RAB44: variants seen among roughly 807,000 people sequenced by gnomAD.
RAB44 encodes RAB44, member RAS oncogene family.
A neutral mutation model predicts 93.3 loss-of-function variants in RAB44; 67 were observed. The ratio of observed to expected loss-of-function variants is 0.72; its 90% CI spans 0.59 to 0.88. The LOEUF (loss-of-function observed/expected upper bound fraction) is 0.88. RAB44 is among the 40% of genes least tolerant of loss of function. RAB44 has a pLI of 0.00. For missense variants in RAB44, 1,064 were observed against 1,261.7 expected (o/e 0.84, Z 2.37); for synonymous variants, 427 against 520.3 (o/e 0.82, Z 2.44).
chr6:36,728,565 G>A (rs1763289932), intron 11 of RAB44, 135 bp from the exon 12 acceptor site: 2 of 684,366 alleles, frequency 2.9e-6, no homozygotes, highest in Admixed American at 2.2e-5. Flanking sequence ...AAAGGGTCCA[G>A]GTGAGAAGGT....
rs886628942 is a variant in RAB44 at position 36,721,783 on chromosome 6, A to C, written c.1649A>C (p.Gln550Pro). 4.9e-6 allele frequency: 6 copies of C among 1,234,414 alleles called. No homozygotes were observed. The African/African-American group carries it at 9.3e-5, about 19-fold the overall frequency. The allele number at this position is 1,234,414 out of a possible 1,614,324, so 76.5% of individuals were successfully genotyped here. Residue 550 changes from glutamine to proline, a missense_variant, in exon 9 of 14, where the codon CAG (glutamine) becomes CCG (proline). Coordinates refer to ENST00000612677, the MANE Select transcript of RAB44 (RefSeq NM_001257357.2). ...GAQPGAGAGP[Q>P]EPTQTPPTMT... ...CAGCCTGGGGCTGGAGCAGGACCCC[A>C]GGAACCCACACAAACCCCTCCCACC... is the stretch of plus-strand genomic sequence containing the variant.
intron 9 of RAB44, among the ~76,000 whole-genome samples, chr6:36,724,652 TCAACCAAC>T (rs76700851): frequency 5.2e-4 from 77 of 148,926 alleles, no homozygotes; most frequent in East Asian, 1.6e-3. Context: ...AACCAACCAA[TCAACCAAC>T]CAACCAACCA....
chr6:36,699,136 C>T (rs553596096), intron 1 of RAB44, among the ~76,000 whole-genome samples: 11 of 152,168 alleles, frequency 7.2e-5, no homozygotes, highest in East Asian at 5.8e-4. Context: ...AGGCAAGGAG[C>T]GGGTGGCTGA....
chr6:36,732,154 T>A lies in RAB44; in HGVS notation c.*61T>A. 1 of 1,088,242 alleles carries A rather than the reference T, an allele frequency of 9.2e-7. No homozygotes were observed. Among genetic ancestry groups the A allele is most frequent in the Non-Finnish European group, 1.2e-6 (1 of 855,138 alleles). The allele number at this position is 1,088,242 out of a possible 1,614,324, so 67.4% of individuals were successfully genotyped here. ...GGGGTTTCCTGTCCCTCAGCTCCTG[T>A]CCTTTGTTCCTGGACAGCAACGACA... On this transcript the variant is annotated 3_prime_UTR_variant, in exon 14 of 14. Transcript: ENST00000612677.
In RAB44 at chr6:36,727,606, G is replaced by T. The variant is rs771415718; in HGVS notation, c.2711G>T (p.Arg904Leu). ...RYHSMTRQLL[R>L]KADGVVLMYD... ...CACAGTATGACGCGACAGCTGCTCC[G>T]CAAGGCTGACGGGGTGGTGCTCATG... The change falls in exon 11 of 14, where the codon CGC (arginine) becomes CTC (leucine). Residue 904 changes from arginine (R) to leucine (L), a missense_variant. Transcript: ENST00000612677. 3 of 1,550,416 alleles carry T rather than the reference G, an allele frequency of 1.9e-6. No homozygotes were observed. Among genetic ancestry groups the T allele is most frequent in the African/African-American group, 2.7e-5 (2 of 73,046 alleles).
rs1009557078 is a variant in RAB44 at position 36,721,163 on chromosome 6, G to T, written c.1029G>T (p.Ala343=). ...GCTTCATTTCCAGTTTTCCTGGAGC[G>T]GGTGAGAAGACCCCAGACCCTCAGG... ...QVEEKLSFPG[A]GEKTPDPQAA... Residue 343 remains alanine (A), a synonymous_variant, in exon 9 of 14, where the codon GCG becomes GCT. Coordinates refer to ENST00000612677, the MANE Select transcript of RAB44 (RefSeq NM_001257357.2). The T allele has an allele frequency of 5.0e-6, 6 of 1,200,776 alleles. No homozygotes were observed. The highest frequency in any genetic ancestry group is 6.2e-6 in the Non-Finnish European group (6 of 971,738). The allele number at this position is 1,200,776 out of a possible 1,614,324, so 74.4% of individuals were successfully genotyped here.
intron 1 of RAB44, among the ~76,000 whole-genome samples, chr6:36,700,013 C>T (rs918175331): frequency 1.2e-4 from 18 of 152,056 alleles, no homozygotes; most frequent in African/African-American, 7.2e-5. Context: ...TCCCTACTCA[C>T]GTGAGGCCTC....
chr6:36,721,896 G>A lies in RAB44; in HGVS notation c.1762G>A (p.Ala588Thr), dbSNP rs1763095145. ...AGCCAAGCCGCCCAGGCAGAGAGAT[G>A]CCCTCCAGCAGGACCTGCATGCCAC... ...GPAKPPRQRDALQQDLHATGS... is the reference protein window; with the variant it reads ...GPAKPPRQRDTLQQDLHATGS... Residue 588 changes from alanine (A) to threonine (T), a missense_variant, in exon 9 of 14, where the codon GCC becomes ACC. Coordinates refer to ENST00000612677, the MANE Select transcript of RAB44 (RefSeq NM_001257357.2). 8.9e-6 allele frequency: 11 copies of A among 1,234,958 alleles called. No homozygotes were observed. The highest frequency in any genetic ancestry group is 1.1e-5 in the Non-Finnish European group (11 of 988,742). 76.5% of individuals were successfully genotyped at this position (1,234,958 alleles called of 1,614,324 possible). A position where few individuals can be genotyped will look rare whatever the true frequency, so the allele number is the denominator to read the frequency against.
At chr6:36,725,504 T>C (rs1244746280) in intron 9 of RAB44, among the ~76,000 whole-genome samples, 1 of 152,248 alleles carries the variant, frequency 6.6e-6, no homozygotes, top group African/African-American at 2.4e-5. Context: ...CCCTCTGGGC[T>C]CCTTGTCTCC....
chr6:36,717,409 AC>A lies in RAB44; in HGVS notation c.634del (p.Leu212Ter). On this transcript the variant is annotated frameshift_variant, in exon 5 of 14. Coordinates refer to ENST00000612677, the MANE Select transcript of RAB44 (RefSeq NM_001257357.2). LOFTEE classifies it high-confidence loss of function. The surrounding 1 kb of genome is among the most constrained non-coding windows in gnomAD (Gnocchi z 4.1). ...GGCGGACAAGGAGGCCCTGGAGCTG[AC>A]CCTGAGGAAGTGAGTGGGGGGCCTG... is the stretch of plus-strand genomic sequence containing the variant. ...AQADKEALEL[T>X]LRKRDSDHHR... is the part of the protein sequence containing the mutation. 8.1e-7 allele frequency: 1 copy of A among 1,232,128 alleles called. No individual in the cohort carries two copies. Among genetic ancestry groups the A allele is most frequent in the Non-Finnish European group, 1.0e-6 (1 of 988,034 alleles). The allele number at this position is 1,232,128 out of a possible 1,614,324, so 76.3% of individuals were successfully genotyped here.
intron 2 of RAB44, among the ~76,000 whole-genome samples, chr6:36,713,488 G>A (rs1048461898): frequency 6.6e-6 from 1 of 152,158 alleles, no homozygotes; most frequent in African/African-American, 2.4e-5. Flanking sequence ...GAGCCACCGC[G>A]CCTGGCCTCA....
intron 10 of RAB44, 108 bp downstream of exon 10, chr6:36,726,051 G>C (rs1259817853): frequency 3.7e-6 from 3 of 813,470 alleles, no homozygotes; most frequent in Admixed American, 4.1e-5. Context: ...TGCCCCCCAA[G>C]GATTCAGGAG....
chr6:36,726,732 G>T (rs1763247083), intron 10 of RAB44, among the ~76,000 whole-genome samples: 1 of 151,770 alleles, frequency 6.6e-6, no homozygotes, highest in Non-Finnish European at 1.5e-5. Flanking sequence ...AATAAAGGAG[G>T]GTCAATCTAC....
rs148667112 is a variant in RAB44 at position 36,720,561 on chromosome 6, G to A, written c.1016+11G>A. ...GGAGGAGAAACTGAGGCAAGTGGCTGCTATCCCTGGACTGGGGTGGACTCT... is the reference window on the plus strand; with the variant it reads ...GGAGGAGAAACTGAGGCAAGTGGCTACTATCCCTGGACTGGGGTGGACTCT... On this transcript the variant is annotated intron_variant, in intron 8 of 13. Transcript: ENST00000612677. 533 of 1,234,168 alleles carry A rather than the reference G, an allele frequency of 4.3e-4. 3 individuals are homozygous for A. In the African/African-American group the frequency reaches 7.1e-3, roughly 16 times the overall value. 76.5% of individuals were successfully genotyped at this position (1,234,168 alleles called of 1,614,324 possible). A position where few individuals can be genotyped will look rare whatever the true frequency, so the allele number is the denominator to read the frequency against.
chr6:36,713,713 C>G, intron 2 of RAB44, 115 bp from the exon 3 acceptor site: 1 of 689,420 alleles, frequency 1.5e-6, no homozygotes, highest in East Asian at 2.7e-5. Context: ...ACTGGAGGGA[C>G]TCTGACATTG....
At chr6:36,715,926 C>T (rs1762909095) in intron 4 of RAB44, among the ~76,000 whole-genome samples, 1 of 152,180 alleles carries the variant, frequency 6.6e-6, no homozygotes, top group Non-Finnish European at 1.5e-5. Context: ...CCCTGCACCT[C>T]CCGGCCCTGT....
intron 12 of RAB44, among the ~76,000 whole-genome samples, chr6:36,729,071 A>C (rs997594673): frequency 6.6e-6 from 1 of 152,206 alleles, no homozygotes; most frequent in African/African-American, 2.4e-5. Context: ...GAATTAGCAC[A>C]TTCCCACACC....
In RAB44 at chr6:36,710,570, T is replaced by C. The variant is rs960148996; in HGVS notation, c.208-3258T>C. On this transcript the variant is annotated intron_variant, in intron 2 of 13. Transcript: ENST00000612677. ...AACTTTTTTTTTTTTTTAATTGAGA[T>C]GGAGTCTCACTCTGTCGTCCAGGCT... Among the ~76,000 whole-genome samples the C allele has an allele frequency of 6.0e-5, 9 of 150,290 alleles. No homozygotes were observed. The East Asian group carries it at 1.6e-3, about 26-fold the overall frequency.
intron 2 of RAB44, among the ~76,000 whole-genome samples, chr6:36,709,485 C>A (rs370934859): frequency 2.6e-5 from 4 of 152,306 alleles, no homozygotes; most frequent in African/African-American, 9.6e-5. Flanking sequence ...TCCTTGCAGA[C>A]AAAGTTTTGT....
Sources: allele counts gnomAD v4.1 joint callset (sites outside exome capture counted in the v4.1 genomes callset), GRCh38; gene constraint gnomAD v4.1.1; non-coding constraint Gnocchi (gnomAD v3.1); transcripts MANE v1.5; gene names NCBI Gene and HGNC (gene_info 2026-07-23, HGNC 2026-07-21).